The following PRKCB variants were observed in gnomAD, a reference collection of about 807,000 sequenced individuals.
PRKCB encodes the protein protein kinase C beta.
A neutral mutation model predicts 81.5 loss-of-function variants in PRKCB; 13 were observed. That is an observed-to-expected ratio of 0.16 (90% CI 0.10 to 0.25). PRKCB has a LOEUF of 0.25. PRKCB is among the 10% of genes least tolerant of loss of function. The probability of loss-of-function intolerance (pLI) is 1.00; values close to 1 mark genes in which losing one functional copy is unlikely to be tolerated. For missense variants in PRKCB, 509 were observed against 875.7 expected (o/e 0.58, Z 5.29); for synonymous variants, 335 against 321.4 (o/e 1.04, Z -0.45).
At chr16:23,888,970 G>A (rs531006760) in intron 2 of PRKCB, among the ~76,000 whole-genome samples, 248 of 152,236 alleles carry the variant, frequency 1.6e-3, no homozygotes, top group African/African-American at 5.7e-3. Flanking sequence ...ACCTGCAAGC[G>A]TGTGAGTCTC....
At chr16:23,978,225 A>G (rs1964649921) in intron 2 of PRKCB, among the ~76,000 whole-genome samples, 1 of 152,194 alleles carries the variant, frequency 6.6e-6, no homozygotes, top group Non-Finnish European at 1.5e-5. Flanking sequence ...ACCCAGGGCC[A>G]CTGTTGGCTA....
intron 2 of PRKCB, among the ~76,000 whole-genome samples, chr16:23,960,701 G>A (rs542543332): frequency 7.9e-5 from 12 of 152,222 alleles, no homozygotes; most frequent in Admixed American, 2.6e-4. Context: ...ATTATTCAGC[G>A]CCCACTTATA....
rs919182764 is a variant in PRKCB, at chr16:24,218,786, C to T, written c.*3970C>T. ...ATCTGAGGCAACTTTGGCTGCAGCC[C>T]GGGAATGTGCAGGGCACTAGGGAAT... On this transcript the variant is annotated 3_prime_UTR_variant, in exon 17 of 17. Coordinates refer to ENST00000643927, the MANE Select transcript of PRKCB (RefSeq NM_002738.7). 1.5e-5 allele frequency: 15 copies of T among 985,370 alleles called. No homozygotes were observed. The highest frequency in any genetic ancestry group is 2.3e-4 in the East Asian group (2 of 8,806). The allele number at this position is 985,370 out of a possible 1,614,324, so 61.0% of individuals were successfully genotyped here. A position where few individuals can be genotyped will look rare whatever the true frequency, so the allele number is the denominator to read the frequency against.
At chr16:24,128,775 G>C (rs1296654426) in intron 9 of PRKCB, among the ~76,000 whole-genome samples, 1 of 152,202 alleles carries the variant, frequency 6.6e-6, no homozygotes, top group East Asian at 1.9e-4. Flanking sequence ...ATTGTACCCA[G>C]GTAGTGAGCA....
intron 16 of PRKCB, among the ~76,000 whole-genome samples, chr16:24,204,936 A>G (rs983364840): frequency 6.6e-6 from 1 of 151,992 alleles, no homozygotes; most frequent in Non-Finnish European, 1.5e-5. Flanking sequence ...CCTAGCCAAC[A>G]TAGTGAAACC....
At chr16:24,013,834 T>C (rs1965238866) in intron 3 of PRKCB, among the ~76,000 whole-genome samples, 1 of 151,196 alleles carries the variant, frequency 6.6e-6, no homozygotes, top group Admixed American at 6.6e-5. Context: ...GAATTCACCT[T>C]CCTCAGTTAG....
chr16:23,990,166 GC>G (rs990662838), intron 3 of PRKCB, among the ~76,000 whole-genome samples: 5 of 152,102 alleles, frequency 3.3e-5, no homozygotes, highest in African/African-American at 9.7e-5. Flanking sequence ...GGGAGAAGAA[GC>G]TTTTTTTTTG....
chr16:24,070,016 C>T (rs1295439275), intron 5 of PRKCB, among the ~76,000 whole-genome samples: 1 of 152,170 alleles, frequency 6.6e-6, no homozygotes, highest in Non-Finnish European at 1.5e-5. Context: ...TGGATAATTA[C>T]AGCAAAGTGT....
At chr16:23,961,147 G>A (rs989378981) in intron 2 of PRKCB, among the ~76,000 whole-genome samples, 2 of 151,920 alleles carry the variant, frequency 1.3e-5, no homozygotes, top group Non-Finnish European at 2.9e-5. Context: ...AGGCTCAAGC[G>A]ATCCTCCCAT....
chr16:23,917,109 A>G lies in PRKCB; in HGVS notation c.206-71399A>G, dbSNP rs374685440. 3.2e-4 allele frequency among the ~76,000 whole-genome samples: 48 copies of G among 151,952 alleles called. 2 individuals carry two copies. The South Asian group carries it at 8.7e-3, about 28-fold the overall frequency. ...TATTTTTATTTATTTATTTTTTGAGACAGAGTCTCGCTCTGTTGCCCAGAC... is the reference window on the plus strand; with the variant it reads ...TATTTTTATTTATTTATTTTTTGAGGCAGAGTCTCGCTCTGTTGCCCAGAC... On this transcript the variant is annotated intron_variant, in intron 2 of 16. Coordinates refer to ENST00000643927, the MANE Select transcript of PRKCB (RefSeq NM_002738.7).
intron 10 of PRKCB, among the ~76,000 whole-genome samples, chr16:24,160,294 A>T (rs906274059): frequency 6.6e-6 from 1 of 151,938 alleles, no homozygotes; most frequent in Non-Finnish European, 1.5e-5. Flanking sequence ...TGATTATTAA[A>T]ATTTAGGGAG....
intron 2 of PRKCB, among the ~76,000 whole-genome samples, chr16:23,844,545 C>T (rs1205938948): frequency 3.3e-5 from 5 of 152,160 alleles, no homozygotes; most frequent in Admixed American, 6.5e-5. Context: ...CTTGCTCTGT[C>T]GCCCAGGCTG....
At chr16:23,966,732 G>C (rs150091763) in intron 2 of PRKCB, among the ~76,000 whole-genome samples, 1 of 152,124 alleles carries the variant, frequency 6.6e-6, no homozygotes, top group Non-Finnish European at 1.5e-5. Flanking sequence ...AGAATGCAAG[G>C]CTGTCTGAAA....
At chr16:23,946,246 G>C (rs1022905074) in intron 2 of PRKCB, among the ~76,000 whole-genome samples, 2 of 152,286 alleles carry the variant, frequency 1.3e-5, no homozygotes, top group Non-Finnish European at 1.5e-5. Flanking sequence ...TGACAGGGCT[G>C]GCTAATTCTG....
chr16:24,064,238 A>T (rs1173514557), intron 5 of PRKCB, among the ~76,000 whole-genome samples: 1 of 152,134 alleles, frequency 6.6e-6, no homozygotes, highest in African/African-American at 2.4e-5. Flanking sequence ...CCCTTTTCTA[A>T]CTTTTTGAGA....
At position 23,933,743 on chromosome 16, in the gene PRKCB, G is replaced by A. The variant is rs544744445; in HGVS notation, c.206-54765G>A. On this transcript the variant is annotated intron_variant, in intron 2 of 16. Coordinates refer to ENST00000643927, the MANE Select transcript of PRKCB (RefSeq NM_002738.7). ...CATCCATCTATCCATCCATCCATTC[G>A]TCCATCCATCTATCCATCTATCCAC... 3.4e-3 allele frequency among the ~76,000 whole-genome samples: 385 copies of A among 113,760 alleles called. 1 individual carries two copies. The highest frequency in any genetic ancestry group is 4.0e-3 in the Non-Finnish European group (230 of 58,000). The allele number at this position is 113,760 out of a possible 152,430, so 74.6% of individuals were successfully genotyped here.
At chr16:23,875,866 C>T (rs1597222453) in intron 2 of PRKCB, among the ~76,000 whole-genome samples, 1 of 151,456 alleles carries the variant, frequency 6.6e-6, no homozygotes, top group Non-Finnish European at 1.5e-5. Flanking sequence ...AACGAAATAC[C>T]AGTATTAGGT....
At position 24,114,080 on chromosome 16, in the gene PRKCB, A is replaced by G. The variant is rs1391000485; in HGVS notation, c.918+1011A>G. ...AAAAATACAAAAAAATTAGCTAGGC[A>G]TGGTGGTGCACGCCTGTAATACCAG... On this transcript the variant is annotated intron_variant, in intron 8 of 16. Coordinates refer to ENST00000643927, the MANE Select transcript of PRKCB (RefSeq NM_002738.7). Among the ~76,000 whole-genome samples, 34 of 151,186 alleles carry G rather than the reference A, an allele frequency of 2.2e-4. 1 individual carries two copies.
chr16:24,198,801 A>G (rs114968457), intron 16 of PRKCB, among the ~76,000 whole-genome samples: 66 of 152,316 alleles, frequency 4.3e-4, no homozygotes, highest in African/African-American at 1.4e-3. Flanking sequence ...CTGATCGTCA[A>G]TGCTCTCTGG....
Sources: allele counts gnomAD v4.1 joint callset (sites outside exome capture counted in the v4.1 genomes callset), GRCh38; gene constraint gnomAD v4.1.1; transcripts MANE v1.5; gene names NCBI Gene and HGNC (gene_info 2026-07-23, HGNC 2026-07-21).